The following ZNF385D variants were observed in gnomAD, a reference collection of about 807,000 sequenced individuals.
ZNF385D encodes the protein zinc finger protein 659.
In ZNF385D, 15 loss-of-function variants were observed where a neutral mutation model predicts 35.8. That is an observed-to-expected ratio of 0.42 (90% CI 0.28 to 0.64). The LOEUF is 0.64. ZNF385D is among the 30% of genes least tolerant of loss of function. The probability of loss-of-function intolerance (pLI) is 0.23; values close to 1 mark genes in which losing one functional copy is unlikely to be tolerated. For missense variants in ZNF385D, 474 were observed against 494.6 expected (o/e 0.96, Z 0.39); for synonymous variants, 212 against 186.8 (o/e 1.13, Z -1.10).
chr3:22,076,384 G>A (rs1314785277), intron 3 of ZNF385D, among the ~76,000 whole-genome samples: 3 of 151,686 alleles, frequency 2.0e-5, no homozygotes, highest in Non-Finnish European at 4.4e-5. Flanking sequence ...TATTTCCCAT[G>A]GCCCATTAGC....
At chr3:21,475,490 G>C (rs1704172386) in intron 4 of ZNF385D, among the ~76,000 whole-genome samples, 1 of 152,034 alleles carries the variant, frequency 6.6e-6, no homozygotes, top group African/African-American at 2.4e-5. Flanking sequence ...ATTTTTCAAA[G>C]TTACTAAAAC....
At chr3:21,784,341 T>C (rs568409610) in intron 3 of ZNF385D, among the ~76,000 whole-genome samples, 3 of 152,192 alleles carry the variant, frequency 2.0e-5, no homozygotes, top group Non-Finnish European at 4.4e-5. Context: ...CTGAAAAATA[T>C]GAGCACAATC....
chr3:22,334,306 TTATG>T (rs1201659081), intron 2 of ZNF385D, among the ~76,000 whole-genome samples: 3 of 152,214 alleles, frequency 2.0e-5, no homozygotes, highest in African/African-American at 7.2e-5. Flanking sequence ...TGTTCTTTAA[TTATG>T]TATTTAGTGA....
chr3:21,779,336 A>G (rs577089948), intron 3 of ZNF385D, among the ~76,000 whole-genome samples: 133 of 151,196 alleles, frequency 8.8e-4, no homozygotes, highest in African/African-American at 3.1e-3. Flanking sequence ...TTGTATTCTG[A>G]AACATGTCTA....
chr3:21,686,864 A>G (rs896465690), intron 1 of ZNF385D, among the ~76,000 whole-genome samples: 2 of 152,194 alleles, frequency 1.3e-5, no homozygotes, highest in Non-Finnish European at 2.9e-5. Context: ...TTACCTTTAT[A>G]TTTCTGGTCA....
intron 3 of ZNF385D, among the ~76,000 whole-genome samples, chr3:21,908,170 C>CTATA (rs1015338735): frequency 3.5e-5 from 5 of 141,342 alleles, no homozygotes; most frequent in Admixed American, 1.4e-4. Flanking sequence ...ATCTATCTAT[C>CTATA]TATATATGTA....
chr3:21,608,746 T>G (rs2064574015), intron 2 of ZNF385D, among the ~76,000 whole-genome samples: 1 of 152,198 alleles, frequency 6.6e-6, no homozygotes, highest in Non-Finnish European at 1.5e-5. Context: ...TGGTTTCATG[T>G]AGAAGTCAAA....
chr3:22,346,654 C>G (rs904810752), intron 2 of ZNF385D, among the ~76,000 whole-genome samples: 6 of 152,100 alleles, frequency 3.9e-5, no homozygotes, highest in African/African-American at 1.4e-4. Flanking sequence ...TACCATTTGC[C>G]TTTTATACAA....
intron 3 of ZNF385D, among the ~76,000 whole-genome samples, chr3:21,765,929 T>C (rs979834629): frequency 6.6e-6 from 1 of 152,130 alleles, no homozygotes; most frequent in African/African-American, 2.4e-5. Context: ...TTTACACCTT[T>C]AATTAATTGG....
intron 2 of ZNF385D, among the ~76,000 whole-genome samples, chr3:22,248,921 C>T (rs1019988630): frequency 2.0e-5 from 3 of 152,190 alleles, no homozygotes; most frequent in Admixed American, 2.0e-4. Flanking sequence ...TCATGACCTT[C>T]TCTTTCAGAA....
In ZNF385D at chr3:22,372,449, C is replaced by T. The variant is rs1383877663; in HGVS notation, c.106+1G>A. On this transcript the variant is annotated splice_donor_variant, in intron 2 of 5. Transcript: ENST00000494108. LOFTEE classifies it high-confidence loss of function. ...GACACCTCTTTTTGCACTCAACTTA[C>T]CGCGGCTGGGCTGAGCTTTCGGCGC... 1 of 985,980 alleles carries T rather than the reference C, an allele frequency of 1.0e-6. No individual in the cohort carries two copies. The highest frequency in any genetic ancestry group is 4.7e-5 in the South Asian group (1 of 21,286). 61.1% of individuals were successfully genotyped at this position (985,980 alleles called of 1,614,324 possible). A position where few individuals can be genotyped will look rare whatever the true frequency, so the allele number is the denominator to read the frequency against.
intron 2 of ZNF385D, among the ~76,000 whole-genome samples, chr3:21,584,624 T>A (rs2063759619): frequency 6.6e-6 from 1 of 152,228 alleles, no homozygotes; most frequent in Non-Finnish European, 1.5e-5. Context: ...AATTCTGTTT[T>A]ATTTTTGTCT....
intron 3 of ZNF385D, among the ~76,000 whole-genome samples, chr3:22,094,745 ATG>A (rs1383460093): frequency 1.3e-5 from 2 of 152,014 alleles, no homozygotes; most frequent in Non-Finnish European, 2.9e-5. Context: ...ACACTGGGAA[ATG>A]TGTGATTTTG....
intron 3 of ZNF385D, among the ~76,000 whole-genome samples, chr3:22,084,610 A>G (rs1700931046): frequency 6.6e-6 from 1 of 152,178 alleles, no homozygotes; most frequent in Non-Finnish European, 1.5e-5. Context: ...AGAGACTTAG[A>G]CTCCCACAAA....
intron 2 of ZNF385D, among the ~76,000 whole-genome samples, chr3:22,176,586 T>C (rs1465926185): frequency 6.6e-6 from 1 of 152,170 alleles, no homozygotes; most frequent in East Asian, 1.9e-4. Flanking sequence ...AAGTCTTAAC[T>C]GAATATTTGC....
chr3:22,098,956 C>G (rs141704948), intron 3 of ZNF385D, among the ~76,000 whole-genome samples: 1,853 of 152,032 alleles, frequency 0.012, 21 homozygotes, highest in Middle Eastern at 0.024. Context: ...AATTTTTATT[C>G]TAATACTCTA....
At chr3:22,122,669 G>A (rs73142957) in intron 3 of ZNF385D, among the ~76,000 whole-genome samples, 3 of 152,120 alleles carry the variant, frequency 2.0e-5, no homozygotes, top group African/African-American at 7.2e-5. Context: ...GAAGAAAGAA[G>A]AACAGAGAGT....
intron 3 of ZNF385D, among the ~76,000 whole-genome samples, chr3:21,994,857 G>C (rs1263440488): frequency 1.1e-4 from 16 of 152,210 alleles, no homozygotes; most frequent in Admixed American, 1.0e-3. Flanking sequence ...GTAGTTGTTA[G>C]TGGAAGTGGT....
intron 3 of ZNF385D, among the ~76,000 whole-genome samples, chr3:21,973,000 A>T (rs1452469121): frequency 6.6e-6 from 1 of 151,982 alleles, no homozygotes; most frequent in Non-Finnish European, 1.5e-5. Context: ...TTTGAAAAAG[A>T]ACTAATATCA....
Sources: gnomAD v4.1 joint callset for allele counts (sites outside exome capture counted in the v4.1 genomes callset) on GRCh38, gnomAD v4.1.1 for gene constraint, MANE v1.5 for transcripts, NCBI Gene and HGNC (gene_info 2026-07-23, HGNC 2026-07-21) for gene names.